KIFAP3: variants seen among roughly 807,000 people sequenced by gnomAD.
The protein encoded by KIFAP3 is kinesin-associated protein 3.
KIFAP3 carries 68 observed loss-of-function variants against 106.5 expected under a neutral mutation model. The ratio of observed to expected loss-of-function variants is 0.64; its 90% confidence interval spans 0.53 to 0.78. KIFAP3 has a LOEUF of 0.78. Among genes scored for constraint, KIFAP3 ranks in the 30% least tolerant of loss-of-function variants. KIFAP3 has a pLI of 0.00. For missense variants in KIFAP3, 780 were observed against 941.8 expected (o/e 0.83, Z 2.25); for synonymous variants, 320 against 311.5 (o/e 1.03, Z -0.29).
chr1:170,021,941 C>CT (rs71125221), intron 9 of KIFAP3, among the ~76,000 whole-genome samples: 1,919 of 77,910 alleles, frequency 0.025, 271 homozygotes, highest in African/African-American at 0.058. Context: ...TCTTTTCTTT[C>CT]TTTTTTTTTT....
At position 170,062,068 on chromosome 1, in the gene KIFAP3, C is replaced by T. The variant is rs150490801; in HGVS notation, c.33-6632G>A. On this transcript the variant is annotated intron_variant, in intron 1 of 19. Coordinates refer to ENST00000361580, the MANE Select transcript of KIFAP3 (RefSeq NM_014970.4). ...TAGGAGATATGCCTAATGTAAATGA[C>T]GAGTTAATGGGTGCAGCACACCAAC... Among the ~76,000 whole-genome samples the T allele has an allele frequency of 3.1e-3, 473 of 151,842 alleles. 15 individuals carry two copies. The South Asian group carries it at 0.058, about 19-fold the overall frequency.
intron 1 of KIFAP3, among the ~76,000 whole-genome samples, chr1:170,066,982 A>C (rs1284317440): frequency 6.6e-6 from 1 of 152,174 alleles, no homozygotes; most frequent in East Asian, 1.9e-4. Flanking sequence ...ATACTCAAAG[A>C]ATAGTCATCT....
chr1:169,993,091 AT>A (rs1333106500), intron 10 of KIFAP3, among the ~76,000 whole-genome samples: 1 of 142,234 alleles, frequency 7.0e-6, no homozygotes, highest in African/African-American at 2.6e-5. Flanking sequence ...ATAAACTGGT[AT>A]TTTCTTTTCT....
intron 2 of KIFAP3, 46 bp downstream of exon 2, chr1:170,055,259 A>G: frequency 6.6e-7 from 1 of 1,524,058 alleles, no homozygotes; most frequent in South Asian, 1.2e-5. Context: ...TATAAAGTTT[A>G]TATAATGTTC....
At chr1:170,053,596 C>A (rs1231740857) in intron 2 of KIFAP3, among the ~76,000 whole-genome samples, 2 of 151,908 alleles carry the variant, frequency 1.3e-5, no homozygotes, top group Non-Finnish European at 2.9e-5. Flanking sequence ...TCAAACTATA[C>A]TACAAGGCTA....
intron 10 of KIFAP3, among the ~76,000 whole-genome samples, chr1:169,995,835 A>G (rs1013399947): frequency 2.6e-5 from 4 of 152,134 alleles, no homozygotes; most frequent in Non-Finnish European, 5.9e-5. Flanking sequence ...CATTGGGAGA[A>G]GCTAAAAAAA....
chr1:170,078,419 C>T (rs554554421), upstream of KIFAP3, among the ~76,000 whole-genome samples: 3 of 152,124 alleles, frequency 2.0e-5, no homozygotes, highest in East Asian at 3.9e-4. Flanking sequence ...ATAAACTGAG[C>T]ACAGAGATAT....
intron 8 of KIFAP3, among the ~76,000 whole-genome samples, chr1:170,025,290 A>T (rs2102025366): frequency 6.6e-6 from 1 of 152,272 alleles, no homozygotes. Flanking sequence ...AATGATATTA[A>T]TAGATAATGC....
intron 19 of KIFAP3, among the ~76,000 whole-genome samples, chr1:169,939,849 G>T (rs1034394098): frequency 1.3e-5 from 2 of 152,232 alleles, no homozygotes; most frequent in East Asian, 3.8e-4. Flanking sequence ...TGGTCCATTA[G>T]ATTTGGCAAT....
At chr1:169,976,863 A>C (rs1666242194) in intron 16 of KIFAP3, among the ~76,000 whole-genome samples, 1 of 152,086 alleles carries the variant, frequency 6.6e-6, no homozygotes, top group South Asian at 2.1e-4. Context: ...GACTACAGGC[A>C]TGCATCACCA....
At chr1:170,067,213 G>GT (rs1216054858) in intron 1 of KIFAP3, among the ~76,000 whole-genome samples, 1 of 152,140 alleles carries the variant, frequency 6.6e-6, no homozygotes, top group South Asian at 2.1e-4. Context: ...TGCATACTGA[G>GT]TAGGTCTAGC....
chr1:169,945,581 A>C (rs371567896), intron 19 of KIFAP3, among the ~76,000 whole-genome samples: 1 of 152,184 alleles, frequency 6.6e-6, no homozygotes, highest in South Asian at 2.1e-4. Context: ...TTTATTTGGG[A>C]GCATCTTTGG....
chr1:169,927,597 C>A (rs1663213155), intron 19 of KIFAP3, among the ~76,000 whole-genome samples: 1 of 152,124 alleles, frequency 6.6e-6, no homozygotes, highest in African/African-American at 2.4e-5. Context: ...TGCTATATCC[C>A]TAGGCTCTAG....
At position 170,063,291 on chromosome 1, in the gene KIFAP3, T is replaced by C. The variant is rs117543602; in HGVS notation, c.33-7855A>G. 1.2e-3 allele frequency among the ~76,000 whole-genome samples: 183 copies of C among 152,340 alleles called. 6 individuals are homozygous for C. In the East Asian group the frequency reaches 0.029, roughly 24 times the overall value. The stretch of plus-strand genomic sequence containing the variant: ...CAAAACCTAAGATTAGTCTTTGAGA[T>C]ATTTTTCAGACTTTTGTATTCTGGA... On this transcript the variant is annotated intron_variant, in intron 1 of 19. Transcript: ENST00000361580.
intron 1 of KIFAP3, among the ~76,000 whole-genome samples, chr1:170,060,846 A>G (rs948835970): frequency 2.6e-5 from 4 of 152,226 alleles, no homozygotes; most frequent in Admixed American, 6.5e-5. Flanking sequence ...GAGCCCTCAG[A>G]AATAATACCA....
intron 19 of KIFAP3, among the ~76,000 whole-genome samples, chr1:169,934,460 A>G (rs990799450): frequency 1.3e-5 from 2 of 152,146 alleles, no homozygotes; most frequent in African/African-American, 4.8e-5. Flanking sequence ...GTTTATTTTC[A>G]AAGTAGTAAA....
At chr1:169,924,747 T>C (rs541951364) in intron 19 of KIFAP3, among the ~76,000 whole-genome samples, 1 of 152,340 alleles carries the variant, frequency 6.6e-6, no homozygotes, top group East Asian at 1.9e-4. Flanking sequence ...GATACAGCCT[T>C]GCTAATGCTG....
intron 19 of KIFAP3, among the ~76,000 whole-genome samples, chr1:169,940,911 ATGTGTGTGTGTGTGTGTG>A (rs3838394): frequency 0.016 from 2,399 of 148,120 alleles, 28 homozygotes; most frequent in Non-Finnish European, 0.02. Flanking sequence ...TTTAAGAATT[ATGTGTGTGTGTGTGTGTG>A]TGTGTGTGTG....
chr1:169,999,399 C>A (rs1225898082), intron 10 of KIFAP3, among the ~76,000 whole-genome samples: 6 of 152,150 alleles, frequency 3.9e-5, no homozygotes, highest in Non-Finnish European at 8.8e-5. Flanking sequence ...CAATTATTCC[C>A]TAACGGCATC....
Sources: allele counts gnomAD v4.1 joint callset (sites outside exome capture counted in the v4.1 genomes callset), GRCh38; gene constraint gnomAD v4.1.1; transcripts MANE v1.5; gene names NCBI Gene and HGNC (gene_info 2026-07-23, HGNC 2026-07-21).